Variants in GTSE1 observed in about 807,000 individuals in gnomAD.
The protein encoded by GTSE1 is G2 and S phase-expressed protein 1.
A neutral mutation model predicts 60.5 loss-of-function variants in GTSE1; 52 were observed. The ratio of observed to expected loss-of-function variants is 0.86; its 90% CI spans 0.69 to 1.08. The LOEUF (loss-of-function observed/expected upper bound fraction) is 1.08. GTSE1 is among the 50% of genes least tolerant of loss of function. GTSE1 has a pLI of 0.00. For missense variants in GTSE1, 937 were observed against 961.8 expected, an observed-to-expected ratio of 0.97 and a Z score of 0.34; for synonymous variants, 368 against 386.5, an observed-to-expected ratio of 0.95 and a Z score of 0.56.
Position 46,312,196 on chromosome 22 carries a change from A to C in GTSE1, c.818A>C (p.Glu273Ala), listed in dbSNP as rs1368551706. The change falls in exon 5 of 12, where the codon GAA becomes GCA. Residue 273 changes from glutamate to alanine, a missense_variant. Coordinates refer to ENST00000454366, the MANE Select transcript of GTSE1 (RefSeq NM_016426.7). ...PSRTKIPAEK[E>A]SHRDVLPDKP... ...AGGACAAAAATCCCAGCTGAGAAGG[A>C]ATCCCACCGGGATGTTCTCCCTGAC... is the stretch of plus-strand genomic sequence containing the variant. 5 of 1,613,922 alleles carry C rather than the reference A, an allele frequency of 3.1e-6. No homozygotes were observed. The African/African-American group carries it at 6.7e-5, about 22-fold the overall frequency.
chr22:46,297,619 C>T lies in GTSE1; in HGVS notation c.79+140C>T, dbSNP rs960179203. 1 of 632,002 alleles carries T rather than the reference C, an allele frequency of 1.6e-6. No individual in the cohort carries two copies. The highest frequency in any genetic ancestry group is 1.9e-5 in the South Asian group (1 of 52,354). 39.1% of individuals were successfully genotyped at this position (632,002 alleles called of 1,614,324 possible). Reference sequence around the variant, plus strand: ...CTGTGAAACACATGACATCTGCCTTCGTTTTCTGGTTTTCTTTCACCTCCT... The same window carrying T: ...CTGTGAAACACATGACATCTGCCTTTGTTTTCTGGTTTTCTTTCACCTCCT... On this transcript the variant is annotated intron_variant, in intron 2 of 11. Transcript: ENST00000454366. This position sits in a 1 kb window ranked among gnomAD's most constrained non-coding sequence, Gnocchi z 4.9.
chr22:46,306,342 C>A (rs931206347), intron 2 of GTSE1, among the ~76,000 whole-genome samples: 12 of 151,920 alleles, frequency 7.9e-5, no homozygotes, highest in African/African-American at 2.7e-4. Context: ...CCACCACGCC[C>A]GGCTAATTTT....
rs1000717255 is a variant in GTSE1 at position 46,328,875 on chromosome 22, G to A, written c.1912G>A (p.Ala638Thr). The A allele has an allele frequency of 1.2e-6, 2 of 1,613,128 alleles. No individual in the cohort carries two copies. Reference protein sequence around the residue: ...AREEAKPGGDAAPSEALLVDI... With the variant: ...AREEAKPGGDTAPSEALLVDI... ...GGAGGAAGCCAAGCCGGGTGGAGAT[G>A]CAGCCCCTAGTGAGGTGGGCAGAAC... Residue 638 changes from alanine to threonine, a missense_variant, in exon 10 of 12, where the codon GCA becomes ACA. Physicochemically the swap from Ala to Thr is moderately conservative, Grantham distance 58. Coordinates refer to ENST00000454366, the MANE Select transcript of GTSE1 (RefSeq NM_016426.7).
Position 46,308,697 on chromosome 22 carries a change from C to G in GTSE1, c.516C>G (p.Pro172=). ...AGACATACTACCTGTCAGACAGCCC[C>G]TTGCTGGGGCCCCCTGTGGGTGAGC... is the stretch of plus-strand genomic sequence containing the variant. The part of the protein sequence containing the change: ...KRETYYLSDS[P]LLGPPVGEPR... Residue 172 remains proline, a synonymous_variant, in exon 4 of 12, where the codon CCC becomes CCG. Coordinates refer to ENST00000454366, the MANE Select transcript of GTSE1 (RefSeq NM_016426.7). 6.2e-7 allele frequency: 1 copy of G among 1,613,884 alleles called. No homozygotes were observed. The highest frequency in any genetic ancestry group is 8.5e-7 in the Non-Finnish European group (1 of 1,180,044).
At chr22:46,303,811 C>T (rs925786892) in intron 2 of GTSE1, among the ~76,000 whole-genome samples, 8 of 152,024 alleles carry the variant, frequency 5.3e-5, no homozygotes, top group African/African-American at 1.2e-4. Context: ...GGAATGTTGT[C>T]GTGTGTGTCA....
rs1033965345 is a variant in GTSE1 at position 46,317,504 on chromosome 22, C to T, written c.1432+1092C>T. 1.2e-4 allele frequency among the ~76,000 whole-genome samples: 18 copies of T among 152,106 alleles called. No homozygotes were observed. Among genetic ancestry groups the T allele is most frequent in the African/African-American group, 2.9e-4 (12 of 41,398 alleles). ...TTCCCCATCATTTTGGGGTCTGTTT[C>T]GACTGACTAATTTTGTTTCCGGGTT... is the stretch of plus-strand genomic sequence containing the variant. On this transcript the variant is annotated intron_variant, in intron 7 of 11. Coordinates refer to ENST00000454366, the MANE Select transcript of GTSE1 (RefSeq NM_016426.7). This position sits in a 1 kb window ranked among gnomAD's most constrained non-coding sequence, Gnocchi z 5.6.
At chr22:46,322,168 C>T (rs567389360) in intron 7 of GTSE1, among the ~76,000 whole-genome samples, 13 of 150,846 alleles carry the variant, frequency 8.6e-5, no homozygotes, top group Admixed American at 2.0e-4. Flanking sequence ...GGGGCAGGGA[C>T]GTGGGACAGG....
chr22:46,319,767 C>T lies in GTSE1; in HGVS notation c.1432+3355C>T, dbSNP rs1159210262. On this transcript the variant is annotated intron_variant, in intron 7 of 11. Coordinates refer to ENST00000454366, the MANE Select transcript of GTSE1 (RefSeq NM_016426.7). The surrounding 1 kb of genome is among the most constrained non-coding windows in gnomAD (Gnocchi z 5.0). ...TTGGGAGGCCGAGGTGAGCAGATCA[C>T]CTGAGGTCAGGAGTTCGAGAGCAGC... Among the ~76,000 whole-genome samples, 4 of 152,038 alleles carry T rather than the reference C, an allele frequency of 2.6e-5. No homozygotes were observed. The highest frequency in any genetic ancestry group is 4.4e-5 in the Non-Finnish European group (3 of 68,006).
chr22:46,307,895 T>G (rs2077724308), intron 2 of GTSE1, among the ~76,000 whole-genome samples: 1 of 152,012 alleles, frequency 6.6e-6, no homozygotes, highest in Non-Finnish European at 1.5e-5. Context: ...GAGGATCACT[T>G]GAGGCCAGGA....
Position 46,314,940 on chromosome 22 carries a change from G to C in GTSE1, c.1051+927G>C, listed in dbSNP as rs922326884. On this transcript the variant is annotated intron_variant, in intron 6 of 11. Coordinates refer to ENST00000454366, the MANE Select transcript of GTSE1 (RefSeq NM_016426.7). This position sits in a 1 kb window ranked among gnomAD's most constrained non-coding sequence, Gnocchi z 7.1. ...ACTCTGCCATTCTGTGATTAAGAGA[G>C]GTTTGTGTCCTTATCTTTATAGACT... Among the ~76,000 whole-genome samples, 8 of 152,064 alleles carry C rather than the reference G, an allele frequency of 5.3e-5. No individual in the cohort carries two copies. Among genetic ancestry groups the C allele is most frequent in the African/African-American group, 1.9e-4 (8 of 41,396 alleles).
In GTSE1 at chr22:46,324,417, G is replaced by A. The variant is rs2077832194; in HGVS notation, c.1505+1155G>A. On this transcript the variant is annotated intron_variant, in intron 8 of 11. Coordinates refer to ENST00000454366, the MANE Select transcript of GTSE1 (RefSeq NM_016426.7). The surrounding 1 kb of genome is among the most constrained non-coding windows in gnomAD (Gnocchi z 5.2). ...GAGTCTCACTCTGTCACCCAGGCTGGAGGGCAGTGGCACGATCTCAGCTCA... is the reference window on the plus strand; with the variant it reads ...GAGTCTCACTCTGTCACCCAGGCTGAAGGGCAGTGGCACGATCTCAGCTCA... 6.6e-6 allele frequency among the ~76,000 whole-genome samples: 1 copy of A among 151,968 alleles called. No individual in the cohort carries two copies. The highest frequency in any genetic ancestry group is 1.5e-5 in the Non-Finnish European group (1 of 67,980).
At position 46,319,990 on chromosome 22, in the gene GTSE1, AAAAAAAG is replaced by A. The variant is rs2077803110; in HGVS notation, c.1433-3196_1433-3190del. On this transcript the variant is annotated intron_variant, in intron 7 of 11. Coordinates refer to ENST00000454366, the MANE Select transcript of GTSE1 (RefSeq NM_016426.7). This position sits in a 1 kb window ranked among gnomAD's most constrained non-coding sequence, Gnocchi z 5.0. ...ACAGAACGAGACTGTCTCAAAAAAAAAAAAAAGAAAGAAAGAAAGAAAAGAAATGCGA... is the reference window on the plus strand; with the variant it reads ...ACAGAACGAGACTGTCTCAAAAAAAAAAAGAAAGAAAGAAAAGAAATGCGA... Among the ~76,000 whole-genome samples the A allele has an allele frequency of 6.6e-6, 1 of 151,882 alleles. No individual in the cohort carries two copies. The highest frequency in any genetic ancestry group is 2.4e-5 in the African/African-American group (1 of 41,330).
chr22:46,323,167 C>T, intron 7 of GTSE1, 23 bp from the exon 8 acceptor site: 1 of 1,572,642 alleles, frequency 6.4e-7, no homozygotes, highest in East Asian at 2.2e-5. Context: ...TACCTGACCG[C>T]ACACTTCCTT....
Position 46,316,478 on chromosome 22 carries a change from A to G in GTSE1, c.1432+66A>G. The G allele has an allele frequency of 9.1e-7, 1 of 1,095,982 alleles. No individual in the cohort carries two copies. The highest frequency in any genetic ancestry group is 1.3e-6 in the Non-Finnish European group (1 of 753,564). The allele number at this position is 1,095,982 out of a possible 1,614,324, so 67.9% of individuals were successfully genotyped here. On this transcript the variant is annotated intron_variant, in intron 7 of 11. Coordinates refer to ENST00000454366, the MANE Select transcript of GTSE1 (RefSeq NM_016426.7). This position sits in a 1 kb window ranked among gnomAD's most constrained non-coding sequence, Gnocchi z 5.0. ...TGAAGAAATTGCATTTAAAGTTTTA[A>G]ACAATTATTGATGGCATTGATGGTG...
At position 46,319,407 on chromosome 22, in the gene GTSE1, G is replaced by A. The variant is rs1048006667; in HGVS notation, c.1432+2995G>A. Among the ~76,000 whole-genome samples, 5 of 152,140 alleles carry A rather than the reference G, an allele frequency of 3.3e-5. No homozygotes were observed. Among genetic ancestry groups the A allele is most frequent in the Non-Finnish European group, 7.4e-5 (5 of 68,022 alleles). On this transcript the variant is annotated intron_variant, in intron 7 of 11. Coordinates refer to ENST00000454366, the MANE Select transcript of GTSE1 (RefSeq NM_016426.7). The surrounding 1 kb of genome is among the most constrained non-coding windows in gnomAD (Gnocchi z 5.0). ...GCTAGTGCTGGGGAAGGAGGCTGGAGCGCTGCGGTCTGCCTGACGTTCTGG... is the reference window on the plus strand; with the variant it reads ...GCTAGTGCTGGGGAAGGAGGCTGGAACGCTGCGGTCTGCCTGACGTTCTGG...
In GTSE1 at chr22:46,318,988, C is replaced by G. The variant is rs2077796657; in HGVS notation, c.1432+2576C>G. ...TTCAAGGACCCTCACTGCAAGTTGT[C>G]CCTGTGACTCCGTTTGTGTCCCATT... On this transcript the variant is annotated intron_variant, in intron 7 of 11. Transcript: ENST00000454366. The surrounding 1 kb of genome is among the most constrained non-coding windows in gnomAD (Gnocchi z 4.8). Among the ~76,000 whole-genome samples the G allele has an allele frequency of 6.6e-6, 1 of 152,182 alleles. No individual in the cohort carries two copies. Among genetic ancestry groups the G allele is most frequent in the Non-Finnish European group, 1.5e-5 (1 of 68,034 alleles).
At chr22:46,302,360 G>A (rs2077694089) in intron 2 of GTSE1, among the ~76,000 whole-genome samples, 1 of 151,970 alleles carries the variant, frequency 6.6e-6, no homozygotes, top group South Asian at 2.1e-4. Context: ...ATGTTTGAAG[G>A]TCAATCTTTT....
chr22:46,308,461 G>T lies in GTSE1; in HGVS notation c.280G>T (p.Ala94Ser), dbSNP rs770828020. 2.1e-5 allele frequency: 34 copies of T among 1,614,050 alleles called. No individual in the cohort carries two copies. The South Asian group carries it at 3.2e-4, about 15-fold the overall frequency. The change falls in exon 4 of 12, where the codon GCC becomes TCC. Residue 94 changes from alanine to serine, a missense_variant. Ala to Ser is a moderately conservative substitution (Grantham distance 99). Coordinates refer to ENST00000454366, the MANE Select transcript of GTSE1 (RefSeq NM_016426.7). ...GAGTCCCTTTGCCTGGAGCCCTCTG[G>T]CCGGGGAGAAGTTCGTGGAGGTGTA... ...SESPFAWSPL[A>S]GEKFVEVYKE...
rs1301350486 is a variant in GTSE1 at position 46,324,601 on chromosome 22, T to C, written c.1505+1339T>C. Among the ~76,000 whole-genome samples the C allele has an allele frequency of 6.6e-6, 1 of 152,158 alleles. No homozygotes were observed. The highest frequency in any genetic ancestry group is 1.5e-5 in the Non-Finnish European group (1 of 68,030). ...CCAGGATGGTCTCGATCTCCTGGCC[T>C]CGTGATCCACCAGCCTTGGCCTCGC... On this transcript the variant is annotated intron_variant, in intron 8 of 11. Coordinates refer to ENST00000454366, the MANE Select transcript of GTSE1 (RefSeq NM_016426.7). This position sits in a 1 kb window ranked among gnomAD's most constrained non-coding sequence, Gnocchi z 5.2.
Sources: gnomAD v4.1 joint callset for allele counts (sites outside exome capture counted in the v4.1 genomes callset) on GRCh38, gnomAD v4.1.1 for gene constraint, Gnocchi (gnomAD v3.1) non-coding constraint, MANE v1.5 for transcripts, NCBI Gene and HGNC (gene_info 2026-07-23, HGNC 2026-07-21) for gene names.